Variants in LAMA3 observed in about 807,000 individuals in gnomAD.
LAMA3 encodes the protein laminin subunit alpha-3.
In LAMA3, 281 loss-of-function variants were observed where a neutral mutation model predicts 402.0. The observed-to-expected ratio is 0.70, with a 90% CI of 0.63 to 0.77. LAMA3 has a LOEUF of 0.77. Ranked by LOEUF, LAMA3 falls within the 30% of genes least tolerant of loss-of-function variation. The probability of loss-of-function intolerance (pLI) is 0.00; values close to 1 mark genes in which losing one functional copy is unlikely to be tolerated. For synonymous variants in LAMA3, 1,431 were observed against 1,558.4 expected (o/e 0.92, Z 1.93); for missense variants, 3,840 against 4,215.5 (o/e 0.91, Z 2.47).
intron 2 of LAMA3, among the ~76,000 whole-genome samples, chr18:23,716,090 C>T (rs2061093554): frequency 6.6e-6 from 1 of 152,116 alleles, no homozygotes; most frequent in Admixed American, 6.5e-5. Flanking sequence ...TAGTCTTATC[C>T]CTCTGATACC....
At chr18:23,945,680 CAA>C (rs1205452916) in intron 69 of LAMA3, among the ~76,000 whole-genome samples, 1 of 152,114 alleles carries the variant, frequency 6.6e-6, no homozygotes, top group Non-Finnish European at 1.5e-5. Flanking sequence ...GAAATTTTAG[CAA>C]AGAGTTTAAA....
intron 70 of LAMA3, chr18:23,946,750 C>A: frequency 5.9e-6 from 1 of 170,468 alleles, no homozygotes; most frequent in South Asian, 1.4e-4. Flanking sequence ...TTATCTCTCC[C>A]ATAAATGGAA....
intron 2 of LAMA3, among the ~76,000 whole-genome samples, chr18:23,726,244 G>A (rs2061298293): frequency 6.6e-6 from 1 of 152,178 alleles, no homozygotes; most frequent in South Asian, 2.1e-4. Context: ...AATCCAGGTG[G>A]TGTCTCCAGC....
Position 23,824,394 on chromosome 18 carries a change from C to A in LAMA3, c.2429-29C>A, listed in dbSNP as rs772165609. 4 of 1,612,696 alleles carry A rather than the reference C, an allele frequency of 2.5e-6. No homozygotes were observed. The South Asian group carries it at 3.3e-5, about 13-fold the overall frequency. ...CATAACACTGACTGATAGAAAAATGCCTTAAGCAGTTCTTTGTATTTCTGA... is the reference window on the plus strand; with the variant it reads ...CATAACACTGACTGATAGAAAAATGACTTAAGCAGTTCTTTGTATTTCTGA... On this transcript the variant is annotated intron_variant, in intron 20 of 74. Transcript: ENST00000313654.
At chr18:23,711,206 T>C (rs1302582479) in intron 1 of LAMA3, among the ~76,000 whole-genome samples, 1 of 152,252 alleles carries the variant, frequency 6.6e-6, no homozygotes, top group Non-Finnish European at 1.5e-5. Flanking sequence ...ATTATATCAG[T>C]CAGACTTCCA....
intron 56 of LAMA3, among the ~76,000 whole-genome samples, chr18:23,913,742 CATG>C (rs2081513846): frequency 1.3e-5 from 2 of 152,176 alleles, no homozygotes; most frequent in African/African-American, 4.8e-5. Context: ...CTTGTTATGT[CATG>C]ATTTTTTGCT....
chr18:23,795,721 TA>T (rs138712297), intron 12 of LAMA3, among the ~76,000 whole-genome samples: 1,986 of 137,402 alleles, frequency 0.014, 19 homozygotes, highest in South Asian at 0.066. Flanking sequence ...GCTTAAAATA[TA>T]TATATTTTTT....
chr18:23,921,521 G>A lies in LAMA3; in HGVS notation c.8113G>A (p.Asp2705Asn). Residue 2705 changes from aspartate (D) to asparagine (N), a missense_variant, in exon 62 of 75, where the codon GAT (aspartate) becomes AAT (asparagine). Asp to Asn is a conservative substitution (Grantham distance 23). Transcript: ENST00000313654. ...TGTGGACGTTCAAAACACTATAATTGATGGTGAAGTATTTGATTTCAGCAC... is the reference window on the plus strand; with the variant it reads ...TGTGGACGTTCAAAACACTATAATTAATGGTGAAGTATTTGATTTCAGCAC... ...INVDVQNTII[D>N]GEVFDFSTYY... 1 of 1,613,458 alleles carries A rather than the reference G, an allele frequency of 6.2e-7. No individual in the cohort carries two copies. Among genetic ancestry groups the A allele is most frequent in the South Asian group, 1.1e-5 (1 of 91,068 alleles).
At chr18:23,933,661 C>A in intron 66 of LAMA3, 121 bp from the exon 67 acceptor site, 2 of 997,984 alleles carry the variant, frequency 2.0e-6, no homozygotes, top group Non-Finnish European at 3.1e-6. Context: ...TTTTTGTACC[C>A]ATTAACCAAC....
chr18:23,832,877 A>G (rs1269543667), intron 23 of LAMA3, among the ~76,000 whole-genome samples: 1 of 152,248 alleles, frequency 6.6e-6, no homozygotes, highest in Non-Finnish European at 1.5e-5. Context: ...GTCATAGTAA[A>G]AAGCAATAAT....
intron 38 of LAMA3, chr18:23,873,024 A>T (rs1174495632): frequency 6.2e-7 from 1 of 1,613,980 alleles, no homozygotes; most frequent in African/African-American, 1.3e-5. Flanking sequence ...CTGCGCAGCC[A>T]GCGGACGTCC....
chr18:23,814,597 A>G (rs2063140648), intron 15 of LAMA3, 95 bp downstream of exon 15: 5 of 806,118 alleles, frequency 6.2e-6, no homozygotes, highest in South Asian at 2.9e-5. Flanking sequence ...TATTTGTTGA[A>G]TCACTTCAAT....
intron 56 of LAMA3, among the ~76,000 whole-genome samples, chr18:23,913,157 T>A (rs2081493724): frequency 6.6e-6 from 1 of 152,158 alleles, no homozygotes; most frequent in Non-Finnish European, 1.5e-5. Context: ...GTAAAAAACA[T>A]ATGCACTTGG....
intron 6 of LAMA3, among the ~76,000 whole-genome samples, chr18:23,754,071 C>G (rs2061799902): frequency 6.6e-6 from 1 of 152,108 alleles, no homozygotes; most frequent in South Asian, 2.1e-4. Flanking sequence ...CAGATCACCC[C>G]CAAGACATAC....
At chr18:23,896,152 A>G (rs1260762320) in intron 44 of LAMA3, among the ~76,000 whole-genome samples, 1 of 152,284 alleles carries the variant, frequency 6.6e-6, no homozygotes, top group East Asian at 1.9e-4. Flanking sequence ...CCTGGCCAAC[A>G]TGGTGAAACT....
At chr18:23,851,551 G>A (rs984605349) in intron 32 of LAMA3, among the ~76,000 whole-genome samples, 2 of 152,158 alleles carry the variant, frequency 1.3e-5, no homozygotes, top group Non-Finnish European at 2.9e-5. Context: ...TGAAAGCAGC[G>A]CCTGATACAC....
chr18:23,883,234 T>G (rs772017599), intron 40 of LAMA3, among the ~76,000 whole-genome samples: 6 of 152,146 alleles, frequency 3.9e-5, no homozygotes, highest in African/African-American at 4.8e-5. Context: ...TTGGGGCAGT[T>G]CTGAGCCACT....
At chr18:23,850,201 C>T (rs2063912577) in intron 32 of LAMA3, among the ~76,000 whole-genome samples, 1 of 152,172 alleles carries the variant, frequency 6.6e-6, no homozygotes, top group African/African-American at 2.4e-5. Context: ...TCACAAACTG[C>T]AAAGCTGAAA....
At chr18:23,921,328 C>A in intron 61 of LAMA3, 124 bp from the exon 62 acceptor site, 2 of 1,065,364 alleles carry the variant, frequency 1.9e-6, no homozygotes, top group Non-Finnish European at 2.7e-6. Flanking sequence ...CTGCTCAGAG[C>A]CTTCCTACTA....
Sources: gnomAD v4.1 joint callset for allele counts (sites outside exome capture counted in the v4.1 genomes callset) on GRCh38, gnomAD v4.1.1 for gene constraint, MANE v1.5 for transcripts, NCBI Gene and HGNC (gene_info 2026-07-23, HGNC 2026-07-21) for gene names.